PPP6R2: variants seen among roughly 807,000 people sequenced by gnomAD.
PPP6R2 encodes the protein serine/threonine-protein phosphatase 6 regulatory subunit 2.
In PPP6R2, 62 loss-of-function variants were observed where a neutral mutation model predicts 100.2. That is an observed-to-expected ratio of 0.62 (90% CI 0.50 to 0.76). The LOEUF is 0.76. Among genes scored for constraint, PPP6R2 ranks in the 30% least tolerant of loss-of-function variants. PPP6R2 has a pLI of 0.00. For missense variants in PPP6R2, 1,142 were observed against 1,276.3 expected, an observed-to-expected ratio of 0.89 and a Z score of 1.60; for synonymous variants, 525 against 514.7, an observed-to-expected ratio of 1.02 and a Z score of -0.27.
At chr22:50,437,178 G>A (rs2064505168) in intron 15 of PPP6R2, 110 bp downstream of exon 15, 6 of 1,127,830 alleles carry the variant, frequency 5.3e-6, no homozygotes, top group South Asian at 2.7e-5. Context: ...AAAGGGGAGC[G>A]GGGGCTCGTC....
chr22:50,433,368 G>A (rs2063545934), intron 12 of PPP6R2, among the ~76,000 whole-genome samples: 1 of 94,034 alleles, frequency 1.1e-5, no homozygotes, highest in African/African-American at 3.7e-5. Context: ...GCGGACGCTG[G>A]GCAGGGGCCG....
intron 21 of PPP6R2, 24 bp downstream of exon 21, chr22:50,440,073 C>T: frequency 6.3e-7 from 1 of 1,594,568 alleles, no homozygotes; most frequent in East Asian, 2.2e-5. Flanking sequence ...GTGCAGGCGG[C>T]ACCCAGCCTT....
chr22:50,332,130 T>C, the PPP6R2 span, among the ~76,000 whole-genome samples: 7 of 152,176 alleles, frequency 4.6e-5, no homozygotes, highest in African/African-American at 9.7e-5. Context: ...AAATCTAATG[T>C]ACCATTTTCT....
Position 50,351,045 on chromosome 22 carries a change from T to G in PPP6R2, c.-148+7495T>G, listed in dbSNP as rs368071713. Among the ~76,000 whole-genome samples, 1,028 of 128,376 alleles carry G rather than the reference T, an allele frequency of 8.0e-3. 21 individuals are homozygous for G. The highest frequency in any genetic ancestry group is 0.013 in the Non-Finnish European group (756 of 60,166). The allele number at this position is 128,376 out of a possible 152,430, so 84.2% of individuals were successfully genotyped here. ...AACAGTGTTTTTTTTTTTTTTTTTT[T>G]TTTTTTTTTTTTGAGACAGAGTTTC... On this transcript the variant is annotated intron_variant, in intron 1 of 23. Transcript: ENST00000612753.
intron 4 of PPP6R2, among the ~76,000 whole-genome samples, chr22:50,411,364 A>G (rs1001183504): frequency 5.3e-5 from 8 of 151,774 alleles, no homozygotes; most frequent in African/African-American, 1.9e-4. Context: ...CTGAGACAGG[A>G]GAATCACTTG....
At chr22:50,435,160 C>T (rs2063953108) in intron 13 of PPP6R2, 79 bp downstream of exon 13, 2 of 1,228,328 alleles carry the variant, frequency 1.6e-6, no homozygotes, top group Admixed American at 3.0e-5. Flanking sequence ...AGACTAAGCT[C>T]TGCCCGGCAG....
intron 15 of PPP6R2, 50 bp downstream of exon 15, chr22:50,437,118 G>T (rs2064487753): frequency 6.7e-7 from 1 of 1,486,868 alleles, no homozygotes; most frequent in Non-Finnish European, 9.2e-7. Flanking sequence ...CCCGGCACCT[G>T]TGTGCGCTGC....
chr22:50,406,975 G>C (rs534177686), intron 4 of PPP6R2, 100 bp downstream of exon 4: 1 of 1,216,458 alleles, frequency 8.2e-7, no homozygotes, highest in Non-Finnish European at 1.2e-6. Context: ...CTCCGGCCGC[G>C]GGAACAGCAT....
At chr22:50,376,730 C>T (rs1332409245) in intron 2 of PPP6R2, among the ~76,000 whole-genome samples, 1 of 151,874 alleles carries the variant, frequency 6.6e-6, no homozygotes, top group African/African-American at 2.4e-5. Context: ...GCTGAGTGTG[C>T]TTCTTATTTT....
At chr22:50,381,343 A>ATGAGGCATCCCAG (rs1389663218) in intron 2 of PPP6R2, among the ~76,000 whole-genome samples, 1 of 79,228 alleles carries the variant, frequency 1.3e-5, no homozygotes, top group African/African-American at 6.9e-5. Flanking sequence ...TCACCTCAGC[A>ATGAGGCATCCCAG]TCACACGGGC....
intron 15 of PPP6R2, 104 bp downstream of exon 15, chr22:50,437,172 G>T: frequency 8.5e-7 from 1 of 1,174,236 alleles, no homozygotes; most frequent in South Asian, 1.3e-5. Context: ...ACTAGCAAAG[G>T]GGAGCGGGGG....
chr22:50,354,220 A>G (rs1360797663), intron 1 of PPP6R2, among the ~76,000 whole-genome samples: 1 of 152,022 alleles, frequency 6.6e-6, no homozygotes, highest in Non-Finnish European at 1.5e-5. Flanking sequence ...CAGGAGAATC[A>G]CTTGAACCCA....
chr22:50,389,005 A>G (rs1375099069), intron 2 of PPP6R2: 1 of 152,162 alleles, frequency 6.6e-6, no homozygotes, highest in Non-Finnish European at 1.5e-5. Flanking sequence ...ATGGAACTAT[A>G]TGATCATATG....
intron 2 of PPP6R2, chr22:50,393,664 C>A: frequency 3.1e-6 from 3 of 968,646 alleles, no homozygotes; most frequent in Non-Finnish European, 3.7e-6. Flanking sequence ...TTTGTGAGCC[C>A]AACCTGGAGA....
At chr22:50,387,325 T>A (rs1381990703) in intron 2 of PPP6R2, among the ~76,000 whole-genome samples, 1 of 152,176 alleles carries the variant, frequency 6.6e-6, no homozygotes. Flanking sequence ...AGCCTCGGCC[T>A]CCCGAATTGT....
chr22:50,333,629 G>GC, the PPP6R2 span, among the ~76,000 whole-genome samples: 1 of 152,154 alleles, frequency 6.6e-6, no homozygotes, highest in Non-Finnish European at 1.5e-5. Context: ...ACCGCGCCTG[G>GC]CCCCAGCTTT....
At chr22:50,417,521 G>A (rs1357886808) in intron 6 of PPP6R2, among the ~76,000 whole-genome samples, 2 of 152,144 alleles carry the variant, frequency 1.3e-5, no homozygotes, top group Non-Finnish European at 2.9e-5. Context: ...TACACATACC[G>A]ATCTATACAT....
intron 2 of PPP6R2, among the ~76,000 whole-genome samples, chr22:50,372,603 T>C (rs2050472665): frequency 6.6e-6 from 1 of 152,170 alleles, no homozygotes; most frequent in Admixed American, 6.6e-5. Flanking sequence ...TGTTGTCTTT[T>C]GGTGGTTTTT....
intron 1 of PPP6R2, among the ~76,000 whole-genome samples, chr22:50,349,623 C>A (rs1040743728): frequency 2.0e-5 from 3 of 151,878 alleles, no homozygotes; most frequent in Non-Finnish European, 4.4e-5. Context: ...GTCAGGAATT[C>A]GAGACCAGCC....
Sources: gnomAD v4.1 joint callset for allele counts (sites outside exome capture counted in the v4.1 genomes callset) on GRCh38, gnomAD v4.1.1 for gene constraint, MANE v1.5 for transcripts, NCBI Gene and HGNC (gene_info 2026-07-23, HGNC 2026-07-21) for gene names.